The following CFAP54 variants were observed in gnomAD, a reference collection of about 807,000 sequenced individuals.
CFAP54 encodes the protein cilia and flagella associated protein 54, also known as cilia- and flagella-associated protein 54.
In CFAP54, 290 loss-of-function variants were observed where a neutral mutation model predicts 370.4. That is an observed-to-expected ratio of 0.78 (90% confidence interval 0.71 to 0.86). The LOEUF (loss-of-function observed/expected upper bound fraction) is 0.86, where lower values mean the gene tolerates loss of function less well. Among genes scored for constraint, CFAP54 ranks in the 40% least tolerant of loss-of-function variants. The pLI, the probability that CFAP54 is intolerant of heterozygous loss-of-function variation, is 0.00. For missense variants in CFAP54, 3,399 were observed against 3,528.7 expected (o/e 0.96, Z 0.93); for synonymous variants, 1,206 against 1,236.5 (o/e 0.98, Z 0.52).
chr12:96,781,110 C>T (rs2096528419), intron 60 of CFAP54, among the ~76,000 whole-genome samples: 1 of 152,044 alleles, frequency 6.6e-6, no homozygotes, highest in African/African-American at 2.4e-5. Flanking sequence ...ATGCAGTAGT[C>T]TAGAAATATG....
intron 17 of CFAP54, among the ~76,000 whole-genome samples, chr12:96,559,393 G>A (rs954109853): frequency 6.6e-6 from 1 of 151,918 alleles, no homozygotes; most frequent in Admixed American, 6.6e-5. Flanking sequence ...CACCTACTAT[G>A]TACCCATAAA....
At chr12:96,500,709 G>T (rs895384267) in intron 1 of CFAP54, 125 bp from the exon 2 acceptor site, 37 of 533,486 alleles carry the variant, frequency 6.9e-5, no homozygotes, top group Admixed American at 3.8e-4. Context: ...ATTAATAATT[G>T]GACATTAACA....
Position 96,743,886 on chromosome 12 carries a change from G to T in CFAP54, c.7533G>T (p.Arg2511=). Residue 2511 remains arginine (R), a synonymous_variant, in exon 54 of 68, where the codon CGG becomes CGT. Transcript: ENST00000524981. ...CAGGAAAATTAAATTTGTTAACTCG[G>T]GCTCATAGCATTCTAACTGAACAGG... The part of the protein sequence containing the change: ...SKTGKLNLLT[R]AHSILTEQML... 6.2e-7 allele frequency: 1 copy of T among 1,613,090 alleles called. No individual in the cohort carries two copies. Among genetic ancestry groups the T allele is most frequent in the Non-Finnish European group, 8.5e-7 (1 of 1,179,694 alleles).
At chr12:96,528,627 A>C (rs745772092) in intron 9 of CFAP54, among the ~76,000 whole-genome samples, 5 of 152,122 alleles carry the variant, frequency 3.3e-5, no homozygotes, top group African/African-American at 4.8e-5. Flanking sequence ...CATAGATATA[A>C]AATTTTTCAG....
intron 14 of CFAP54, among the ~76,000 whole-genome samples, chr12:96,546,465 A>G (rs1174711027): frequency 1.3e-5 from 2 of 152,194 alleles, no homozygotes; most frequent in Non-Finnish European, 2.9e-5. Flanking sequence ...GATTTAAAAT[A>G]TATAGTTTCC....
chr12:96,601,284 C>A (rs1333481591), intron 26 of CFAP54, among the ~76,000 whole-genome samples: 1 of 152,170 alleles, frequency 6.6e-6, no homozygotes, highest in Non-Finnish European at 1.5e-5. Context: ...TGTGAACCAG[C>A]CTTGCATCCC....
At position 96,649,661 on chromosome 12, in the gene CFAP54, G is replaced by A. The variant is rs546086010; in HGVS notation, c.4691-230G>A. On this transcript the variant is annotated intron_variant, in intron 34 of 67. Coordinates refer to ENST00000524981, the MANE Select transcript of CFAP54 (RefSeq NM_001306084.2). ...TGCCATCGACTTTGTCTGAAATGACGTTCTCTGTATTTCCCCATATAGCTA... is the reference window on the plus strand; with the variant it reads ...TGCCATCGACTTTGTCTGAAATGACATTCTCTGTATTTCCCCATATAGCTA... Among the ~76,000 whole-genome samples, 15 of 152,202 alleles carry A rather than the reference G, an allele frequency of 9.9e-5. No individual in the cohort carries two copies. The South Asian group carries it at 2.1e-3, about 21-fold the overall frequency.
At chr12:96,746,446 A>G (rs1033350604) in intron 55 of CFAP54, among the ~76,000 whole-genome samples, 1 of 152,138 alleles carries the variant, frequency 6.6e-6, no homozygotes, top group Non-Finnish European at 1.5e-5. Context: ...GACTTAATCT[A>G]TAATTCCAAT....
chr12:96,506,064 G>A (rs754483031), intron 3 of CFAP54, among the ~76,000 whole-genome samples: 21 of 152,138 alleles, frequency 1.4e-4, no homozygotes, highest in Non-Finnish European at 1.3e-4. Context: ...TTCTGGCCGG[G>A]CGCGGTGGCT....
chr12:96,826,452 T>A (rs1349899145), intron 65 of CFAP54, among the ~76,000 whole-genome samples: 4 of 122,950 alleles, frequency 3.3e-5, no homozygotes, highest in African/African-American at 1.2e-4. Context: ...ATACCATATA[T>A]GTTATTTACT....
chr12:96,632,169 C>A (rs537104489), intron 32 of CFAP54, among the ~76,000 whole-genome samples: 50 of 151,944 alleles, frequency 3.3e-4, no homozygotes, highest in South Asian at 6.2e-4. Context: ...ATCCGTTGCA[C>A]ATTTAAAAAC....
chr12:96,778,175 A>T (rs1259563513), intron 60 of CFAP54, among the ~76,000 whole-genome samples: 1 of 152,170 alleles, frequency 6.6e-6, no homozygotes, highest in Non-Finnish European at 1.5e-5. Flanking sequence ...AAGTGCCATG[A>T]TTTCATTGGC....
intron 2 of CFAP54, among the ~76,000 whole-genome samples, chr12:96,503,653 A>C (rs973046275): frequency 2.0e-5 from 3 of 152,176 alleles, no homozygotes; most frequent in Non-Finnish European, 4.4e-5. Context: ...CCTTGTGGTC[A>C]TGATGGTCCC....
At chr12:96,607,863 G>A (rs1387990467) in intron 26 of CFAP54, among the ~76,000 whole-genome samples, 1 of 151,732 alleles carries the variant, frequency 6.6e-6, no homozygotes, top group Admixed American at 6.6e-5. Flanking sequence ...GAATCCTGAG[G>A]GAAAAAGACC....
At chr12:96,631,829 A>G (rs1956611669) in intron 32 of CFAP54, among the ~76,000 whole-genome samples, 1 of 151,658 alleles carries the variant, frequency 6.6e-6, no homozygotes, top group South Asian at 2.1e-4. Flanking sequence ...AAACAATGTT[A>G]CAAAGGACAT....
chr12:96,751,585 A>G (rs1034282777), intron 55 of CFAP54, among the ~76,000 whole-genome samples: 2 of 152,208 alleles, frequency 1.3e-5, no homozygotes, highest in Non-Finnish European at 1.5e-5. Context: ...TTGGTATAAT[A>G]TGAAACAATA....
At chr12:96,570,739 CATT>C (rs980961915) in intron 19 of CFAP54, among the ~76,000 whole-genome samples, 8 of 152,192 alleles carry the variant, frequency 5.3e-5, no homozygotes, top group South Asian at 2.1e-4. Flanking sequence ...AAATGTTAGC[CATT>C]ATTATTATGA....
intron 66 of CFAP54, among the ~76,000 whole-genome samples, chr12:96,852,388 G>A (rs1959572933): frequency 2.0e-5 from 3 of 152,184 alleles, no homozygotes; most frequent in African/African-American, 7.2e-5. Flanking sequence ...TCCAGGAAGA[G>A]ATCCATACAT....
intron 2 of CFAP54, among the ~76,000 whole-genome samples, 172 bp from the exon 3 acceptor site, chr12:96,503,714 A>G (rs1450881689): frequency 6.6e-6 from 1 of 152,164 alleles, no homozygotes; most frequent in East Asian, 1.9e-4. Flanking sequence ...ATGCACATAC[A>G]TTGTATAGTG....
Sources: allele counts gnomAD v4.1 joint callset (sites outside exome capture counted in the v4.1 genomes callset), GRCh38; gene constraint gnomAD v4.1.1; transcripts MANE v1.5; gene names NCBI Gene and HGNC (gene_info 2026-07-23, HGNC 2026-07-21).